The following ZNF385D variants were observed in gnomAD, a reference collection of about 807,000 sequenced individuals.
ZNF385D encodes the protein zinc finger protein 659.
Under a neutral mutation model 35.8 loss-of-function variants are expected in ZNF385D, and 15 were observed. That is an observed-to-expected ratio of 0.42 (90% CI 0.28 to 0.64). The LOEUF (loss-of-function observed/expected upper bound fraction) is 0.64. Among genes scored for constraint, ZNF385D ranks in the 30% least tolerant of loss-of-function variants. ZNF385D has a pLI of 0.23. For synonymous variants in ZNF385D, 212 were observed against 186.8 expected (o/e 1.13, Z -1.10); for missense variants, 474 against 494.6 (o/e 0.96, Z 0.39).
chr3:22,336,108 T>C (rs1258996567), intron 2 of ZNF385D, among the ~76,000 whole-genome samples: 1 of 152,118 alleles, frequency 6.6e-6, no homozygotes, highest in Non-Finnish European at 1.5e-5. Flanking sequence ...GGACTAATCC[T>C]TACCTCCAGA....
chr3:21,722,055 G>C (rs192130626), intron 1 of ZNF385D, among the ~76,000 whole-genome samples: 1 of 148,950 alleles, frequency 6.7e-6, no homozygotes, highest in Non-Finnish European at 1.5e-5. Flanking sequence ...AGCCAAGATC[G>C]TGCCACTGCA....
chr3:22,251,845 C>T (rs1246045205), intron 2 of ZNF385D, among the ~76,000 whole-genome samples: 1 of 152,090 alleles, frequency 6.6e-6, no homozygotes, highest in Non-Finnish European at 1.5e-5. Flanking sequence ...CTGAGTGTTA[C>T]ATAGACCTGG....
chr3:21,903,919 GT>G, intron 3 of ZNF385D, among the ~76,000 whole-genome samples: 1 of 152,122 alleles, frequency 6.6e-6, no homozygotes, highest in East Asian at 1.9e-4. Flanking sequence ...TCTGGAATTT[GT>G]TTTTTTCTTT....
chr3:21,935,124 CATA>C (rs1168482274), intron 3 of ZNF385D, among the ~76,000 whole-genome samples: 1 of 151,998 alleles, frequency 6.6e-6, no homozygotes, highest in Non-Finnish European at 1.5e-5. Context: ...TAGTTAAGTG[CATA>C]ATGATATATT....
At chr3:21,451,537 G>T (rs1183873144) in intron 4 of ZNF385D, among the ~76,000 whole-genome samples, 1 of 151,986 alleles carries the variant, frequency 6.6e-6, no homozygotes, top group African/African-American at 2.4e-5. Flanking sequence ...AATCTAGCTT[G>T]CTAGTTTTAG....
chr3:21,735,514 T>C (rs1246563602), intron 1 of ZNF385D, among the ~76,000 whole-genome samples: 1 of 152,180 alleles, frequency 6.6e-6, no homozygotes, highest in Non-Finnish European at 1.5e-5. Context: ...CAAGGTGCCA[T>C]GTATATATAA....
At chr3:22,345,886 C>G (rs1450004505) in intron 2 of ZNF385D, among the ~76,000 whole-genome samples, 2 of 152,210 alleles carry the variant, frequency 1.3e-5, no homozygotes, top group African/African-American at 4.8e-5. Context: ...TTGCCCAAGT[C>G]AGGGCATCTC....
intron 2 of ZNF385D, among the ~76,000 whole-genome samples, chr3:22,264,896 T>C (rs1316069723): frequency 1.3e-5 from 2 of 151,990 alleles, no homozygotes; most frequent in Non-Finnish European, 2.9e-5. Context: ...AATAATCATG[T>C]TGAGCCCCTT....
At chr3:21,778,204 A>G (rs773801999) in intron 3 of ZNF385D, among the ~76,000 whole-genome samples, 1 of 151,740 alleles carries the variant, frequency 6.6e-6, no homozygotes, top group Non-Finnish European at 1.5e-5. Flanking sequence ...GTGATACCCA[A>G]TTTTCTCAGG....
chr3:21,882,783 AAC>A (rs1233919438), intron 3 of ZNF385D, among the ~76,000 whole-genome samples: 1 of 152,022 alleles, frequency 6.6e-6, no homozygotes, highest in South Asian at 2.1e-4. Flanking sequence ...GAGCAGTTGC[AAC>A]ACAGTTTTGA....
intron 3 of ZNF385D, among the ~76,000 whole-genome samples, chr3:22,141,987 T>C (rs1275274602): frequency 6.6e-6 from 1 of 152,224 alleles, no homozygotes; most frequent in Admixed American, 6.5e-5. Flanking sequence ...ACATGACTTA[T>C]GGTTAAATGA....
intron 1 of ZNF385D, among the ~76,000 whole-genome samples, chr3:21,667,329 T>G (rs2066438323): frequency 6.6e-6 from 1 of 151,928 alleles, no homozygotes; most frequent in African/African-American, 2.4e-5. Context: ...GCCCACCTAG[T>G]TTTTGTACTT....
intron 2 of ZNF385D, among the ~76,000 whole-genome samples, chr3:22,289,286 A>T (rs1702175001): frequency 6.6e-6 from 1 of 152,124 alleles, no homozygotes; most frequent in Non-Finnish European, 1.5e-5. Context: ...CAACTCCTGA[A>T]TCTAGGTGGG....
chr3:21,973,138 C>T (rs990204910), intron 3 of ZNF385D, among the ~76,000 whole-genome samples: 1 of 151,638 alleles, frequency 6.6e-6, no homozygotes, highest in East Asian at 1.9e-4. Context: ...GGTCAATATC[C>T]CCGATGAACA....
chr3:21,925,621 A>C (rs1700687393), intron 3 of ZNF385D, among the ~76,000 whole-genome samples: 1 of 152,176 alleles, frequency 6.6e-6, no homozygotes, highest in African/African-American at 2.4e-5. Flanking sequence ...AAAAAAAGAT[A>C]AATTGGACTT....
intron 2 of ZNF385D, among the ~76,000 whole-genome samples, chr3:22,201,777 A>C (rs552055498): frequency 8.1e-4 from 123 of 151,868 alleles, no homozygotes; most frequent in Middle Eastern, 3.4e-3. Context: ...TTCACTATAA[A>C]ATTAAACAAC....
At position 22,284,533 on chromosome 3, in the gene ZNF385D, G is replaced by A. The variant is rs150752910; in HGVS notation, c.106+87917C>T. 2.7e-3 allele frequency among the ~76,000 whole-genome samples: 411 copies of A among 151,370 alleles called. 2 individuals are homozygous for A. The highest frequency in any genetic ancestry group is 4.9e-3 in the Admixed American group (75 of 15,184). On this transcript the variant is annotated intron_variant, in intron 2 of 5. Coordinates refer to the ZNF385D transcript ENST00000494108. ...TAATGACCCAAATCTTTTATACATC[G>A]TGCATCAATTCTAAATTGTATGGTG... is the stretch of plus-strand genomic sequence containing the variant.
rs900986296 is a variant in ZNF385D at position 21,465,683 on chromosome 3, T to G, written c.440-28480A>C. ...TCTTATTTTCTTTCCTGGCTCTGCT[T>G]CTTCCTTTCCTGTGAAAATTCACCT... On this transcript the variant is annotated intron_variant, in intron 4 of 7. Transcript: ENST00000281523. The surrounding 1 kb of genome is among the most constrained non-coding windows in gnomAD (Gnocchi z 4.2). Among the ~76,000 whole-genome samples the G allele has an allele frequency of 6.6e-6, 1 of 152,248 alleles. No homozygotes were observed. Among genetic ancestry groups the G allele is most frequent in the African/African-American group, 2.4e-5 (1 of 41,470 alleles).
At chr3:22,236,772 A>G (rs1457930308) in intron 2 of ZNF385D, among the ~76,000 whole-genome samples, 1 of 152,144 alleles carries the variant, frequency 6.6e-6, no homozygotes, top group Non-Finnish European at 1.5e-5. Context: ...AGATTGGTTT[A>G]TGCTGGGCAT....
Sources: allele counts gnomAD v4.1 joint callset (sites outside exome capture counted in the v4.1 genomes callset), GRCh38; gene constraint gnomAD v4.1.1; non-coding constraint Gnocchi (gnomAD v3.1); transcripts MANE v1.5; gene names NCBI Gene and HGNC (gene_info 2026-07-23, HGNC 2026-07-21).